Variants in DNAH5 observed in about 807,000 individuals in gnomAD.
DNAH5 encodes the protein axonemal beta dynein heavy chain 5.
In DNAH5, 372 loss-of-function variants were observed where a neutral mutation model predicts 518.2. That is an observed-to-expected ratio of 0.72 (90% confidence interval 0.66 to 0.78). The LOEUF is 0.78. DNAH5 is among the 30% of genes least tolerant of loss of function. The probability of loss-of-function intolerance (pLI) is 0.00; values close to 1 mark genes in which losing one functional copy is unlikely to be tolerated. For missense variants in DNAH5, 5,523 were observed against 5,687.0 expected, an observed-to-expected ratio of 0.97 and a Z score of 0.93; for synonymous variants, 2,039 against 2,025.9, an observed-to-expected ratio of 1.01 and a Z score of -0.17.
Position 13,810,094 on chromosome 5 carries a change from C to T in DNAH5, c.7574G>A (p.Gly2525Glu), listed in dbSNP as rs1465026258. 4 of 1,552,548 alleles carry T rather than the reference C, an allele frequency of 2.6e-6. No homozygotes were observed. The highest frequency in any genetic ancestry group is 3.5e-6 in the Non-Finnish European group (4 of 1,148,456). ...CACATAGTAGTCGAAGGCGGTGTCC[C>T]CGGGCCCCGCTGGCGGCGGCAGCTC... Reference protein sequence around the residue: ...TLELPPPAGPGDTAFDYYVAP... With the variant: ...TLELPPPAGPEDTAFDYYVAP... The change falls in exon 45 of 79, where the codon GGG (glycine) becomes GAG (glutamate). Residue 2525 changes from glycine (G) to glutamate (E), a missense_variant. This residue lies in a region of DNAH5 where 5,121 missense variants were observed against 5,223.3 expected (regional missense o/e 0.98). Transcript: ENST00000265104.
intron 76 of DNAH5, among the ~76,000 whole-genome samples, chr5:13,705,833 TCTTCACAAGA>T (rs34159280): frequency 0.39 from 58,654 of 151,730 alleles, 11,399 homozygotes; most frequent in South Asian, 0.44. Context: ...GAAAATCATA[TCTTCACAAGA>T]CAAAGGGAGA....
chr5:14,003,555 G>A (rs1784506776), intron 1 of DNAH5, among the ~76,000 whole-genome samples: 1 of 152,178 alleles, frequency 6.6e-6, no homozygotes, highest in African/African-American at 2.4e-5. Flanking sequence ...GGCAGACAGT[G>A]GTTCCAAAGA....
chr5:13,836,553 G>A (rs1764424363), intron 35 of DNAH5, among the ~76,000 whole-genome samples: 1 of 152,198 alleles, frequency 6.6e-6, no homozygotes, highest in Non-Finnish European at 1.5e-5. Context: ...CCATGCAGCT[G>A]ATTGCTCAAG....
chr5:13,803,555 T>G (rs1340644038), intron 47 of DNAH5, among the ~76,000 whole-genome samples: 1 of 152,238 alleles, frequency 6.6e-6, no homozygotes, highest in South Asian at 2.1e-4. Context: ...TGCCACCAAC[T>G]AAGTGAATTC....
chr5:13,949,509 T>A (rs1192736827), upstream of DNAH5, among the ~76,000 whole-genome samples: 1 of 152,174 alleles, frequency 6.6e-6, no homozygotes, highest in Non-Finnish European at 1.5e-5. Context: ...TACAGGGTAA[T>A]CTTGAAAAGA....
intron 33 of DNAH5, 50 bp downstream of exon 33, chr5:13,841,642 C>CT: frequency 6.9e-7 from 1 of 1,443,378 alleles, no homozygotes; most frequent in African/African-American, 1.4e-5. Context: ...ATGTCTGAGA[C>CT]TTAAAATGAC....
intron 38 of DNAH5, among the ~76,000 whole-genome samples, chr5:13,828,813 G>C (rs758841395): frequency 2.6e-5 from 4 of 152,106 alleles, no homozygotes; most frequent in Non-Finnish European, 5.9e-5. Flanking sequence ...GTCCCCATTC[G>C]AGCATCAGAT....
chr5:13,965,215 A>T (rs1781450565), intron 1 of DNAH5, among the ~76,000 whole-genome samples: 1 of 152,172 alleles, frequency 6.6e-6, no homozygotes, highest in African/African-American at 2.4e-5. Context: ...ATAATATTTT[A>T]AAACCTGTAT....
chr5:13,830,318 CA>C, intron 36 of DNAH5, 105 bp from the exon 37 acceptor site: 2 of 1,146,666 alleles, frequency 1.7e-6, no homozygotes, highest in Admixed American at 2.0e-5. Context: ...TAAGTTCATT[CA>C]AAAGTAAAGT....
intron 15 of DNAH5, chr5:13,899,323 A>C (rs1774291401): frequency 6.6e-6 from 1 of 152,292 alleles, no homozygotes. Context: ...CAGATCTGTT[A>C]ATACTGGAAC....
chr5:14,006,608 C>T (rs919046600), intron 1 of DNAH5, among the ~76,000 whole-genome samples: 1 of 152,138 alleles, frequency 6.6e-6, no homozygotes, highest in Non-Finnish European at 1.5e-5. Context: ...ACCTTAACTA[C>T]CTCTTTAATG....
At chr5:13,910,607 T>C (rs1775867531) in intron 12 of DNAH5, among the ~76,000 whole-genome samples, 1 of 152,146 alleles carries the variant, frequency 6.6e-6, no homozygotes, top group African/African-American at 2.4e-5. Context: ...TGTCCCCATA[T>C]TCATTATGGT....
chr5:14,004,557 G>C (rs1216826962), intron 1 of DNAH5, among the ~76,000 whole-genome samples: 1 of 152,194 alleles, frequency 6.6e-6, no homozygotes, highest in African/African-American at 2.4e-5. Flanking sequence ...GTGGTGCAAA[G>C]ATCTGGGTTT....
At chr5:13,905,022 A>C (rs1178198320) in intron 12 of DNAH5, among the ~76,000 whole-genome samples, 1 of 152,250 alleles carries the variant, frequency 6.6e-6, no homozygotes, top group African/African-American at 2.4e-5. Flanking sequence ...TAGCAATATA[A>C]ATAATTCACA....
intron 1 of DNAH5, among the ~76,000 whole-genome samples, chr5:14,003,227 CAG>C (rs1295456651): frequency 6.6e-6 from 1 of 152,126 alleles, no homozygotes; most frequent in African/African-American, 2.4e-5. Flanking sequence ...AAGAAAACAT[CAG>C]AGTTACATAT....
chr5:13,864,440 T>C lies in DNAH5; in HGVS notation c.4553A>G (p.Asn1518Ser), dbSNP rs1048946770. 1.2e-6 allele frequency: 2 copies of C among 1,614,082 alleles called. No homozygotes were observed. The highest frequency in any genetic ancestry group is 2.7e-5 in the African/African-American group (2 of 74,942). ...DVGNESFKLR[N>S]IMEAPLLKYK... ...TTTCAGAAGAGGTGCCTCCATGATA[T>C]TTCTTAACTTAAAGCTTTCATTCCC... Residue 1518 changes from asparagine (N) to serine (S), a missense_variant, in exon 28 of 79, where the codon AAT (asparagine) becomes AGT (serine). Asn to Ser is a conservative substitution (Grantham distance 46). Transcript: ENST00000265104.
chr5:13,921,759 C>CCA (rs1462394836), intron 5 of DNAH5, among the ~76,000 whole-genome samples: 2 of 147,056 alleles, frequency 1.4e-5, no homozygotes, highest in Non-Finnish European at 3.0e-5. Context: ...CACCCCCCCA[C>CCA]ACACACACAC....
At chr5:13,859,822 G>A (rs548778860) in intron 29 of DNAH5, among the ~76,000 whole-genome samples, 24 of 152,114 alleles carry the variant, frequency 1.6e-4, no homozygotes, top group Non-Finnish European at 1.8e-4. Context: ...GCATAGAGAA[G>A]GGTGGGAGAT....
intron 75 of DNAH5, among the ~76,000 whole-genome samples, chr5:13,713,465 A>G (rs1463035168): frequency 8.4e-6 from 1 of 119,436 alleles, no homozygotes; most frequent in African/African-American, 4.1e-5. Context: ...ATATATATAT[A>G]TACACACACC....
Sources: allele counts gnomAD v4.1 joint callset (sites outside exome capture counted in the v4.1 genomes callset), GRCh38; gene constraint gnomAD v4.1.1; regional missense constraint gnomAD v4.1.1; transcripts MANE v1.5; gene names NCBI Gene and HGNC (gene_info 2026-07-23, HGNC 2026-07-21).